Variants in FER1L6 observed in about 807,000 individuals in gnomAD.
FER1L6 encodes fer-1 like family member 6, also known as fer-1-like protein 6.
Under a neutral mutation model 219.2 loss-of-function variants are expected in FER1L6, and 177 were observed. That is an observed-to-expected ratio of 0.81 (90% confidence interval 0.71 to 0.91). The LOEUF (loss-of-function observed/expected upper bound fraction) is 0.91, where lower values mean the gene tolerates loss of function less well. Among genes scored for constraint, FER1L6 ranks in the 40% least tolerant of loss-of-function variants. The probability of loss-of-function intolerance (pLI) is 0.00; values close to 1 mark genes in which losing one functional copy is unlikely to be tolerated. For missense variants in FER1L6, 2,153 were observed against 2,259.9 expected (o/e 0.95, Z 0.96); for synonymous variants, 768 against 824.3 (o/e 0.93, Z 1.17).
intron 1 of FER1L6, among the ~76,000 whole-genome samples, chr8:123,943,916 A>G (rs1325850600): frequency 6.6e-6 from 1 of 151,996 alleles, no homozygotes; most frequent in East Asian, 1.9e-4. Context: ...TTTGGTAAGT[A>G]CCATTTGGAT....
At chr8:123,907,708 C>T (rs968296954) in intron 1 of FER1L6, among the ~76,000 whole-genome samples, 4 of 147,778 alleles carry the variant, frequency 2.7e-5, no homozygotes, top group Admixed American at 2.7e-4. Context: ...GTATGAGAGG[C>T]CTTCAGGGAA....
At chr8:124,004,158 G>C (rs1476661020) in intron 13 of FER1L6, 1 of 115,734 alleles carries the variant, frequency 8.6e-6, no homozygotes, top group Non-Finnish European at 1.8e-5. Flanking sequence ...CACCAGAAAA[G>C]ATAATTTCAG....
At position 124,082,477 on chromosome 8, in the gene FER1L6, G is replaced by A. The variant is rs1821599742; in HGVS notation, c.4391+19G>A. ...ATGAGATGTAAGTTCTTTCTCCCCGGGAGACACTTGGTATTCTGAAGCTGT... is the reference window on the plus strand; with the variant it reads ...ATGAGATGTAAGTTCTTTCTCCCCGAGAGACACTTGGTATTCTGAAGCTGT... On this transcript the variant is annotated intron_variant, in intron 33 of 40. Coordinates refer to ENST00000522917, the MANE Select transcript of FER1L6 (RefSeq NM_001039112.2). 6.2e-7 allele frequency: 1 copy of A among 1,609,256 alleles called. No homozygotes were observed. The highest frequency in any genetic ancestry group is 8.5e-7 in the Non-Finnish European group (1 of 1,177,384).
chr8:124,051,749 T>C (rs1820042950), intron 22 of FER1L6, among the ~76,000 whole-genome samples: 1 of 152,094 alleles, frequency 6.6e-6, no homozygotes, highest in South Asian at 2.1e-4. Context: ...AGCTTTGGGG[T>C]TAGACACACT....
At chr8:123,932,201 T>C (rs1469528865) in intron 1 of FER1L6, among the ~76,000 whole-genome samples, 2 of 152,156 alleles carry the variant, frequency 1.3e-5, no homozygotes, top group Non-Finnish European at 2.9e-5. Context: ...CTCTGCCTCC[T>C]GAGTTCATGC....
Position 124,013,361 on chromosome 8 carries a change from A to G in FER1L6, c.1822-70A>G, listed in dbSNP as rs978412820. 13 of 815,708 alleles carry G rather than the reference A, an allele frequency of 1.6e-5. No individual in the cohort carries two copies. The African/African-American group carries it at 2.3e-4, about 14-fold the overall frequency. The allele number at this position is 815,708 out of a possible 1,614,324, so 50.5% of individuals were successfully genotyped here. ...AAATAGCTGTTATTTCTAGTACATTATAATTAGTATCTCTACTACCAATCT... is the reference window on the plus strand; with the variant it reads ...AAATAGCTGTTATTTCTAGTACATTGTAATTAGTATCTCTACTACCAATCT... On this transcript the variant is annotated intron_variant, in intron 14 of 40. Coordinates refer to ENST00000522917, the MANE Select transcript of FER1L6 (RefSeq NM_001039112.2).
intron 1 of FER1L6, among the ~76,000 whole-genome samples, chr8:123,917,551 A>G (rs1586463129): frequency 6.6e-6 from 1 of 152,344 alleles, no homozygotes; most frequent in African/African-American, 2.4e-5. Flanking sequence ...TCCAGATGTT[A>G]TCTCCTTCCC....
intron 14 of FER1L6, among the ~76,000 whole-genome samples, chr8:124,010,949 T>A (rs1171704575): frequency 6.6e-6 from 1 of 152,206 alleles, no homozygotes; most frequent in Admixed American, 6.5e-5. Context: ...GCTCTGCTTC[T>A]GGCTGTTATA....
chr8:124,091,967 T>TAAAAA, intron 34 of FER1L6, among the ~76,000 whole-genome samples: 1 of 133,570 alleles, frequency 7.5e-6, no homozygotes, highest in Non-Finnish European at 1.6e-5. Context: ...ACTCAAGTCT[T>TAAAAA]AAAAAAAAAA....
chr8:124,071,491 G>T lies in FER1L6; in HGVS notation c.3967-15G>T. 1.9e-6 allele frequency: 3 copies of T among 1,613,822 alleles called. No homozygotes were observed. Among genetic ancestry groups the T allele is most frequent in the Middle Eastern group, 1.7e-4 (1 of 6,040 alleles). The stretch of plus-strand genomic sequence containing the variant: ...TGACCATCTCATTTCAATGGGTTGC[G>T]TTTTGTGGTTCCAGGGCTCCTTCTG... On this transcript the variant is annotated splice_polypyrimidine_tract_variant and intron_variant, in intron 30 of 40. Coordinates refer to ENST00000522917, the MANE Select transcript of FER1L6 (RefSeq NM_001039112.2).
At chr8:123,928,624 G>C (rs961349800) in intron 1 of FER1L6, among the ~76,000 whole-genome samples, 1 of 152,182 alleles carries the variant, frequency 6.6e-6, no homozygotes, top group African/African-American at 2.4e-5. Context: ...TTCAAGCCTG[G>C]TTCTCTGTGC....
intron 19 of FER1L6, among the ~76,000 whole-genome samples, chr8:124,035,721 G>C (rs1213914875): frequency 6.6e-6 from 1 of 152,240 alleles, no homozygotes; most frequent in Non-Finnish European, 1.5e-5. Flanking sequence ...TTTGTAGGCA[G>C]ATTATGTAGG....
At chr8:124,038,003 T>C (rs1345721339) in intron 19 of FER1L6, among the ~76,000 whole-genome samples, 1 of 152,220 alleles carries the variant, frequency 6.6e-6, no homozygotes, top group African/African-American at 2.4e-5. Context: ...TTTATCGTCC[T>C]GAGGCTTTGC....
chr8:123,869,637 A>G (rs1299846739), intron 1 of FER1L6, among the ~76,000 whole-genome samples: 4 of 152,246 alleles, frequency 2.6e-5, no homozygotes, highest in African/African-American at 9.6e-5. Context: ...TTATATATTT[A>G]ATAAAATCTC....
At chr8:124,035,179 T>C in intron 18 of FER1L6, 98 bp from the exon 19 acceptor site, 1 of 1,301,586 alleles carries the variant, frequency 7.7e-7, no homozygotes, top group South Asian at 1.4e-5. Context: ...CTGAACATAC[T>C]TCCAGGTGTG....
intron 33 of FER1L6, among the ~76,000 whole-genome samples, chr8:124,088,801 C>T (rs1821893812): frequency 6.6e-6 from 1 of 152,030 alleles, no homozygotes; most frequent in Non-Finnish European, 1.5e-5. Flanking sequence ...TGTCTGGGAG[C>T]TGGGGCTTGG....
intron 1 of FER1L6, among the ~76,000 whole-genome samples, chr8:123,952,867 A>T (rs1432051451): frequency 6.6e-6 from 1 of 152,186 alleles, no homozygotes; most frequent in African/African-American, 2.4e-5. Context: ...GAATATTGTG[A>T]CACTTTGTAG....
chr8:123,949,463 T>C (rs1814656676), intron 1 of FER1L6, among the ~76,000 whole-genome samples: 1 of 152,212 alleles, frequency 6.6e-6, no homozygotes, highest in Admixed American at 6.5e-5. Context: ...GTATTGGTGT[T>C]CCTGAGGTTA....
chr8:124,102,096 A>T (rs1822572288), intron 38 of FER1L6, among the ~76,000 whole-genome samples: 1 of 152,196 alleles, frequency 6.6e-6, no homozygotes, highest in Non-Finnish European at 1.5e-5. Flanking sequence ...GAGAAGATAG[A>T]TTATCAGACT....
Sources: gnomAD v4.1 joint callset for allele counts (sites outside exome capture counted in the v4.1 genomes callset) on GRCh38, gnomAD v4.1.1 for gene constraint, MANE v1.5 for transcripts, NCBI Gene and HGNC (gene_info 2026-07-23, HGNC 2026-07-21) for gene names.